SLC8A1: variants seen among roughly 807,000 people sequenced by gnomAD.
SLC8A1 encodes the protein solute carrier family 8 member A1, also known as sodium/calcium exchanger 1.
SLC8A1 carries 18 observed loss-of-function variants against 68.3 expected under a neutral mutation model. The observed-to-expected ratio is 0.26, with a 90% confidence interval of 0.18 to 0.39. The LOEUF (loss-of-function observed/expected upper bound fraction) is 0.39, where lower values mean the gene tolerates loss of function less well. Among genes scored for constraint, SLC8A1 ranks in the 10% least tolerant of loss-of-function variants. The probability of loss-of-function intolerance (pLI) is 1.00; values close to 1 mark genes in which losing one functional copy is unlikely to be tolerated. For synonymous variants in SLC8A1, 475 were observed against 415.5 expected (o/e 1.14, Z -1.74); for missense variants, 985 against 1,156.7 (o/e 0.85, Z 2.15).
At chr2:40,131,858 A>AT (rs71404277) in intron 7 of SLC8A1, among the ~76,000 whole-genome samples, 1,843 of 95,482 alleles carry the variant, frequency 0.019, 285 homozygotes, top group Non-Finnish European at 0.024. Flanking sequence ...TTGGTATTCT[A>AT]TTTTTTTTTT....
chr2:40,273,964 A>G (rs965088267), intron 2 of SLC8A1, among the ~76,000 whole-genome samples: 1 of 151,278 alleles, frequency 6.6e-6, no homozygotes, highest in Non-Finnish European at 1.5e-5. Context: ...CTGTCCCCCA[A>G]GGCTGCGGCA....
At chr2:40,315,475 C>G (rs1276343468) in intron 2 of SLC8A1, among the ~76,000 whole-genome samples, 2 of 144,434 alleles carry the variant, frequency 1.4e-5, no homozygotes, top group Non-Finnish European at 3.0e-5. Context: ...GTTGGCTATC[C>G]CTGTTACAAC....
intron 1 of SLC8A1, among the ~76,000 whole-genome samples, chr2:40,476,750 G>A (rs1049631922): frequency 6.6e-6 from 1 of 152,168 alleles, no homozygotes; most frequent in Non-Finnish European, 1.5e-5. Flanking sequence ...GCATAGCTCA[G>A]GGATAGATCA....
intron 2 of SLC8A1, among the ~76,000 whole-genome samples, chr2:40,313,569 G>T (rs2074032637): frequency 6.6e-6 from 1 of 151,766 alleles, no homozygotes; most frequent in South Asian, 2.1e-4. Context: ...TATTTGGTGT[G>T]GTCAATTTTT....
chr2:40,231,345 C>A (rs998644374), intron 2 of SLC8A1, among the ~76,000 whole-genome samples: 1 of 152,174 alleles, frequency 6.6e-6, no homozygotes, highest in South Asian at 2.1e-4. Flanking sequence ...GCATTCACAT[C>A]TAATTGGGGA....
chr2:40,366,197 T>C (rs2149492128), intron 2 of SLC8A1, among the ~76,000 whole-genome samples: 1 of 152,166 alleles, frequency 6.6e-6, no homozygotes, highest in Middle Eastern at 3.4e-3. Context: ...CTAATACACA[T>C]GAGTACTTAG....
chr2:40,374,377 AAAAC>A (rs1425319096), intron 2 of SLC8A1, among the ~76,000 whole-genome samples: 2 of 151,884 alleles, frequency 1.3e-5, no homozygotes, highest in Non-Finnish European at 2.9e-5. Flanking sequence ...ATTAAAAACA[AAAAC>A]AAAAACAAAA....
intron 1 of SLC8A1, among the ~76,000 whole-genome samples, chr2:40,504,689 G>A (rs923366351): frequency 5.9e-5 from 9 of 151,870 alleles, no homozygotes; most frequent in Non-Finnish European, 8.8e-5. Context: ...ACATACAAAT[G>A]GTAAACAAGC....
chr2:40,145,128 T>A (rs142703243), intron 6 of SLC8A1, among the ~76,000 whole-genome samples: 1 of 152,312 alleles, frequency 6.6e-6, no homozygotes, highest in East Asian at 1.9e-4. Context: ...TATCTTGGTG[T>A]ATTTGAGCTC....
At chr2:40,293,408 T>A (rs1020188835) in intron 2 of SLC8A1, among the ~76,000 whole-genome samples, 2 of 152,204 alleles carry the variant, frequency 1.3e-5, no homozygotes, top group East Asian at 3.8e-4. Flanking sequence ...AATAAAGTTG[T>A]ATATTGATGC....
At chr2:40,428,802 C>T (rs762846356) in exon 2 of SLC8A1, 3 of 1,613,836 alleles carry the variant, frequency 1.9e-6, no homozygotes, top group South Asian at 1.1e-5. Flanking sequence ...TGCTGAGATG[C>T]ACAAGGAAAT....
intron 2 of SLC8A1, among the ~76,000 whole-genome samples, chr2:40,333,437 C>CAAAAAAAAAAAA (rs11392390): frequency 4.1e-5 from 3 of 73,844 alleles, no homozygotes; most frequent in Non-Finnish European, 9.2e-5. Context: ...GACTCCGTCT[C>CAAAAAAAAAAAA]AAAAAAAAAA....
intron 2 of SLC8A1, among the ~76,000 whole-genome samples, chr2:40,248,695 C>A (rs1244660080): frequency 6.6e-6 from 1 of 151,992 alleles, no homozygotes; most frequent in African/African-American, 2.4e-5. Context: ...ATATTCAATT[C>A]CCCTTTCCGT....
intron 2 of SLC8A1, among the ~76,000 whole-genome samples, chr2:40,313,202 G>A (rs1029695433): frequency 6.6e-6 from 1 of 152,012 alleles, no homozygotes; most frequent in Non-Finnish European, 1.5e-5. Flanking sequence ...TTTGGGGAGG[G>A]GAAGGAGGAG....
intron 2 of SLC8A1, among the ~76,000 whole-genome samples, chr2:40,289,220 GT>G (rs201844924): frequency 1.3e-5 from 2 of 148,264 alleles, no homozygotes; most frequent in Non-Finnish European, 1.5e-5. Context: ...ACCAAATCCT[GT>G]TTTTTTTAAA....
At chr2:40,390,317 T>C (rs1018916958) in intron 2 of SLC8A1, among the ~76,000 whole-genome samples, 4 of 152,078 alleles carry the variant, frequency 2.6e-5, no homozygotes, top group African/African-American at 9.7e-5. Flanking sequence ...ACTTTTTTTT[T>C]AACTTTCAAT....
intron 2 of SLC8A1, among the ~76,000 whole-genome samples, chr2:40,334,578 A>C (rs1448933083): frequency 2.0e-5 from 3 of 152,202 alleles, no homozygotes; most frequent in Non-Finnish European, 2.9e-5. Flanking sequence ...ACCCTGGAGA[A>C]GGAAGAAGGG....
chr2:40,388,607 G>C (rs775622570), intron 2 of SLC8A1, among the ~76,000 whole-genome samples: 1 of 152,052 alleles, frequency 6.6e-6, no homozygotes, highest in African/African-American at 2.4e-5. Flanking sequence ...TTGGGTAAAC[G>C]TTCTTGTTAA....
intron 1 of SLC8A1, among the ~76,000 whole-genome samples, chr2:40,443,375 T>C (rs748255160): frequency 6.6e-6 from 1 of 152,164 alleles, no homozygotes; most frequent in Non-Finnish European, 1.5e-5. Context: ...TTAGAAAAAG[T>C]TCAGCTGAAA....
Sources: gnomAD v4.1 joint callset for allele counts (sites outside exome capture counted in the v4.1 genomes callset) on GRCh38, gnomAD v4.1.1 for gene constraint, MANE v1.5 for transcripts, NCBI Gene and HGNC (gene_info 2026-07-23, HGNC 2026-07-21) for gene names.